Variants in AR observed in about 807,000 individuals in gnomAD.
AR encodes dihydrotestosterone receptor.
In AR, 8 loss-of-function variants were observed where a neutral mutation model predicts 53.9. The observed-to-expected ratio is 0.15, with a 90% CI of 0.09 to 0.27. AR has a LOEUF of 0.27. Ranked by LOEUF, AR falls within the 10% of genes least tolerant of loss-of-function variation. The probability of loss-of-function intolerance (pLI) is 1.00; values close to 1 mark genes in which losing one functional copy is unlikely to be tolerated. For synonymous variants in AR, 359 were observed against 316.4 expected (o/e 1.13, Z -1.43); for missense variants, 639 against 742.5 (o/e 0.86, Z 1.62).
At chrX:67,723,235 G>A (rs1451229346) in intron 7 of AR, among the ~76,000 whole-genome samples, 1 of 108,020 alleles carries the variant, frequency 9.3e-6, no homozygotes, top group Non-Finnish European at 1.9e-5. Context: ...TGCAGCAGAT[G>A]AATTCTCTAG....
chrX:67,616,442 T>C (rs1169506400), intron 1 of AR, among the ~76,000 whole-genome samples: 1 of 110,459 alleles, frequency 9.1e-6, no homozygotes, highest in Non-Finnish European at 1.9e-5. Flanking sequence ...AGTGAGAACA[T>C]GCGGTGTTTC....
intron 1 of AR, among the ~76,000 whole-genome samples, chrX:67,626,274 A>C (rs1197030105): frequency 9.1e-6 from 1 of 109,346 alleles, no homozygotes; most frequent in East Asian, 2.9e-4. Context: ...CCATGAGTTC[A>C]GTAGTTTCAG....
chrX:67,573,430 C>T (rs1167784866), intron 1 of AR, among the ~76,000 whole-genome samples: 1 of 111,207 alleles, frequency 9.0e-6, no homozygotes, highest in Non-Finnish European at 1.9e-5. Context: ...CTGAATGGCC[C>T]GTTAACGTTT....
chrX:67,623,169 C>T (rs1055164452), intron 1 of AR, among the ~76,000 whole-genome samples: 3 of 110,337 alleles, frequency 2.7e-5, no homozygotes, highest in African/African-American at 9.9e-5. Context: ...AGAACCACCC[C>T]CCCGCCCCCA....
intron 1 of AR, among the ~76,000 whole-genome samples, chrX:67,629,088 C>G (rs1241484842): frequency 9.0e-6 from 1 of 111,422 alleles, no homozygotes. Flanking sequence ...GCATATTGGT[C>G]TAAAATTCTC....
rs934770475 is a variant in AR, at chrX:67,723,976, G to A, written c.*135G>A. Reference sequence around the variant, plus strand: ...TTGATGTACAGTCTGTCATGAACATGTTCCTGAATTCTATTTGCTGGGCTT... The same window carrying A: ...TTGATGTACAGTCTGTCATGAACATATTCCTGAATTCTATTTGCTGGGCTT... On this transcript the variant is annotated 3_prime_UTR_variant, in exon 8 of 8. Coordinates refer to ENST00000374690, the MANE Select transcript of AR (RefSeq NM_000044.6). 2.3e-6 allele frequency: 2 copies of A among 871,820 alleles called. No individual in the cohort carries two copies. Among genetic ancestry groups the A allele is most frequent in the Admixed American group, 5.4e-5 (2 of 36,727 alleles). 71.8% of individuals were successfully genotyped at this position (871,820 alleles called of 1,213,427 possible). A position where few individuals can be genotyped will look rare whatever the true frequency, so the allele number is the denominator to read the frequency against.
In AR at chrX:67,729,911, C is replaced by G. The variant is rs2076172948; in HGVS notation, c.*6070C>G. 5.8e-6 allele frequency: 1 copy of G among 171,176 alleles called. No homozygotes were observed. The highest frequency in any genetic ancestry group is 3.3e-4 in the South Asian group (1 of 3,032). 14.1% of individuals were successfully genotyped at this position (171,176 alleles called of 1,213,427 possible). A position where few individuals can be genotyped will look rare whatever the true frequency, so the allele number is the denominator to read the frequency against. ...TGCTAACTGTCCTACAGTGAAGTGC[C>G]TGGGGGGTTGTCCTATCCCATAAGC... On this transcript the variant is annotated 3_prime_UTR_variant, in exon 8 of 8. Coordinates refer to ENST00000374690, the MANE Select transcript of AR (RefSeq NM_000044.6).
At chrX:67,709,928 A>G (rs1010134006) in intron 3 of AR, among the ~76,000 whole-genome samples, 5 of 111,922 alleles carry the variant, frequency 4.5e-5, no homozygotes, top group African/African-American at 1.6e-4. Flanking sequence ...TAAAAACCCC[A>G]TTCCCATATG....
intron 1 of AR, among the ~76,000 whole-genome samples, chrX:67,561,315 T>A (rs1292605382): frequency 1.8e-5 from 2 of 112,018 alleles, no homozygotes; most frequent in Non-Finnish European, 3.8e-5. Context: ...GATTGTAAGT[T>A]CCATTAACAT....
intron 1 of AR, among the ~76,000 whole-genome samples, chrX:67,602,491 T>C (rs1923418803): frequency 8.9e-6 from 1 of 112,147 alleles, no homozygotes; most frequent in Non-Finnish European, 1.9e-5. Flanking sequence ...AGCAGAGGGT[T>C]TGGGTATTTT....
At position 67,612,397 on chromosome X, in the gene AR, T is replaced by A. The variant is rs1248567958; in HGVS notation, c.1617-30859T>A. ...GCCTGTAGGATGAGATCCAAGTACC[T>A]TAGCATAGCTTATGCACTGTAGTCA... On this transcript the variant is annotated intron_variant, in intron 1 of 7. Transcript: ENST00000374690. 2.7e-5 allele frequency among the ~76,000 whole-genome samples: 3 copies of A among 112,398 alleles called. No individual in the cohort carries two copies. The Admixed American group carries it at 2.8e-4, about 11-fold the overall frequency.
chrX:67,727,722 C>A lies in AR; in HGVS notation c.*3881C>A, dbSNP rs757233142. 5.8e-6 allele frequency: 1 copy of A among 171,197 alleles called. No homozygotes were observed. The highest frequency in any genetic ancestry group is 3.2e-4 in the South Asian group (1 of 3,155). The allele number at this position is 171,197 out of a possible 1,213,427, so 14.1% of individuals were successfully genotyped here. A position where few individuals can be genotyped will look rare whatever the true frequency, so the allele number is the denominator to read the frequency against. Reference sequence around the variant, plus strand: ...AGTAACTACCCGAGCATGGCCCCTGCATAGCCCTGGAAAAATAAGAGGCTG... The same window carrying A: ...AGTAACTACCCGAGCATGGCCCCTGAATAGCCCTGGAAAAATAAGAGGCTG... On this transcript the variant is annotated 3_prime_UTR_variant, in exon 8 of 8. Coordinates refer to ENST00000374690, the MANE Select transcript of AR (RefSeq NM_000044.6).
At chrX:67,591,161 G>T (rs138935733) in intron 1 of AR, among the ~76,000 whole-genome samples, 7,208 of 111,112 alleles carry the variant, frequency 0.065, 593 homozygotes, top group African/African-American at 0.22. Flanking sequence ...AAGTAAGCAT[G>T]CTACTAGAAA....
At chrX:67,555,844 T>C (rs1406798744) in intron 1 of AR, among the ~76,000 whole-genome samples, 1 of 112,511 alleles carries the variant, frequency 8.9e-6, no homozygotes, top group Non-Finnish European at 1.9e-5. Context: ...CCTCCATTGA[T>C]GGTTTCAACA....
At chrX:67,655,103 C>A (rs950925738) in intron 2 of AR, among the ~76,000 whole-genome samples, 1 of 108,467 alleles carries the variant, frequency 9.2e-6, no homozygotes, top group Non-Finnish European at 1.9e-5. Context: ...TTAAAAGCAG[C>A]CAACCAAAAC....
chrX:67,625,114 G>A (rs1924565979), intron 1 of AR, among the ~76,000 whole-genome samples: 1 of 110,069 alleles, frequency 9.1e-6, no homozygotes. Flanking sequence ...TTGTATTTCT[G>A]TACACTAGCA....
chrX:67,603,357 G>A (rs1225957158), intron 1 of AR, among the ~76,000 whole-genome samples: 1 of 111,521 alleles, frequency 9.0e-6, no homozygotes, highest in African/African-American at 3.3e-5. Flanking sequence ...GGTAAAATAT[G>A]GGTCACACTA....
At chrX:67,550,239 G>A (rs1257981729) in intron 1 of AR, among the ~76,000 whole-genome samples, 1 of 111,683 alleles carries the variant, frequency 9.0e-6, no homozygotes, top group Non-Finnish European at 1.9e-5. Flanking sequence ...CAATTGCAGG[G>A]TCATTTTGGG....
chrX:67,707,642 G>A (rs188156483), intron 3 of AR, among the ~76,000 whole-genome samples: 9 of 111,326 alleles, frequency 8.1e-5, no homozygotes, highest in Admixed American at 1.9e-4. Flanking sequence ...TAATATTTAC[G>A]TTTAAGGTTA....
Sources: allele counts gnomAD v4.1 joint callset (sites outside exome capture counted in the v4.1 genomes callset), GRCh38; gene constraint gnomAD v4.1.1; transcripts MANE v1.5; gene names NCBI Gene and HGNC (gene_info 2026-07-23, HGNC 2026-07-21).